Variants in PDE4D observed in about 807,000 individuals in gnomAD.
PDE4D encodes phosphodiesterase 4D.
A neutral mutation model predicts 87.4 loss-of-function variants in PDE4D; 24 were observed. The observed-to-expected ratio is 0.27, with a 90% CI of 0.20 to 0.39. PDE4D has a LOEUF of 0.39. Among genes scored for constraint, PDE4D ranks in the 10% least tolerant of loss-of-function variants. The pLI is 1.00. For synonymous variants in PDE4D, 384 were observed against 383.2 expected (o/e 1.00, Z -0.02); for missense variants, 714 against 1,041.0 (o/e 0.69, Z 4.32).
intron 2 of PDE4D, among the ~76,000 whole-genome samples, chr5:60,158,799 G>A (rs1271943524): frequency 3.3e-5 from 5 of 152,098 alleles, no homozygotes; most frequent in Non-Finnish European, 7.4e-5. Context: ...TGGATCTCCT[G>A]ACCTCGTGAT....
intron 6 of PDE4D, among the ~76,000 whole-genome samples, chr5:59,030,886 G>A (rs1339923254): frequency 6.6e-6 from 1 of 152,010 alleles, no homozygotes; most frequent in Non-Finnish European, 1.5e-5. Context: ...TGTGCAGGAT[G>A]TGCAGGTTTG....
intron 5 of PDE4D, among the ~76,000 whole-genome samples, chr5:59,164,723 T>A (rs534586209): frequency 6.6e-6 from 1 of 152,286 alleles, no homozygotes; most frequent in East Asian, 1.9e-4. Context: ...AATAATGCCT[T>A]CCTTCTGTTG....
chr5:59,801,098 G>A (rs893852104), intron 1 of PDE4D, among the ~76,000 whole-genome samples: 5 of 152,020 alleles, frequency 3.3e-5, no homozygotes, highest in African/African-American at 7.3e-5. Context: ...CCCTATACAC[G>A]CAGCAAAAGA....
intron 1 of PDE4D, among the ~76,000 whole-genome samples, chr5:59,827,237 G>A (rs1434510652): frequency 6.6e-6 from 1 of 151,952 alleles, no homozygotes; most frequent in Non-Finnish European, 1.5e-5. Flanking sequence ...GCTAGATAGT[G>A]ATCCTGTGAA....
chr5:59,059,954 C>T (rs900958034), intron 5 of PDE4D, among the ~76,000 whole-genome samples: 6 of 152,088 alleles, frequency 3.9e-5, no homozygotes, highest in African/African-American at 7.2e-5. Context: ...CATGTGACTG[C>T]CCAAAATAGA....
At chr5:60,210,048 A>G (rs1218825399) in intron 1 of PDE4D, among the ~76,000 whole-genome samples, 1 of 152,194 alleles carries the variant, frequency 6.6e-6, no homozygotes, top group African/African-American at 2.4e-5. Context: ...TTGAAAGCAC[A>G]AATTTTGAGA....
intron 3 of PDE4D, among the ~76,000 whole-genome samples, chr5:59,921,799 A>G (rs1294828273): frequency 6.6e-6 from 1 of 152,232 alleles, no homozygotes; most frequent in Non-Finnish European, 1.5e-5. Flanking sequence ...CAAGATGACC[A>G]AATAGAAGCC....
In PDE4D at chr5:59,043,951, A is replaced by G. The variant is rs551711289; in HGVS notation, c.809-4980T>C. Among the ~76,000 whole-genome samples the G allele has an allele frequency of 4.8e-3, 727 of 152,264 alleles. 4 individuals are homozygous for G. The highest frequency in any genetic ancestry group is 0.016 in the African/African-American group (679 of 41,530). On this transcript the variant is annotated intron_variant, in intron 5 of 14. Transcript: ENST00000340635. ...GTGCCACATTTTCTTAATCCAGTCT[A>G]TCATTGATGGACATTTGGGTTGGTT...
intron 1 of PDE4D, among the ~76,000 whole-genome samples, chr5:59,860,359 T>C (rs1746072644): frequency 6.6e-6 from 1 of 152,218 alleles, no homozygotes; most frequent in Admixed American, 6.5e-5. Flanking sequence ...CACTTTCTTC[T>C]TAATTGAGGA....
At chr5:59,027,959 G>C (rs1280296691) in intron 6 of PDE4D, among the ~76,000 whole-genome samples, 1 of 151,894 alleles carries the variant, frequency 6.6e-6, no homozygotes, top group African/African-American at 2.4e-5. Flanking sequence ...TTGAGAGGTA[G>C]AATGGAGAGT....
At chr5:59,305,904 A>G (rs575257383) in intron 1 of PDE4D, among the ~76,000 whole-genome samples, 1 of 152,246 alleles carries the variant, frequency 6.6e-6, no homozygotes, top group East Asian at 1.9e-4. Context: ...TGTTAAGTCC[A>G]TTTGTTCCAA....
chr5:59,518,952 C>A (rs1000690655), intron 1 of PDE4D, among the ~76,000 whole-genome samples: 5 of 152,174 alleles, frequency 3.3e-5, no homozygotes, highest in African/African-American at 1.2e-4. Context: ...CTTCGAAAGG[C>A]ACTAGGCTAC....
chr5:59,863,657 A>G (rs899822195), intron 1 of PDE4D, among the ~76,000 whole-genome samples: 3 of 152,170 alleles, frequency 2.0e-5, no homozygotes, highest in Admixed American at 6.5e-5. Flanking sequence ...TTTATGCTCT[A>G]AGTATGCATG....
At chr5:59,960,707 G>T (rs1038656253) in intron 3 of PDE4D, among the ~76,000 whole-genome samples, 1 of 152,094 alleles carries the variant, frequency 6.6e-6, no homozygotes, top group Admixed American at 6.5e-5. Flanking sequence ...AACTCAAAAA[G>T]AGGGGAGGGA....
In PDE4D at chr5:58,977,434, T is replaced by A. The variant is rs533282469; in HGVS notation, c.1553-89A>T. The stretch of plus-strand genomic sequence containing the variant: ...AAAATTCTGGATTTAGGATGTAATT[T>A]CCCCTAAACTTCTCTGCTGCCCTTA... On this transcript the variant is annotated intron_variant, in intron 11 of 14. Transcript: ENST00000340635. 2.3e-5 allele frequency: 27 copies of A among 1,177,954 alleles called. No individual in the cohort carries two copies. In the East Asian group the frequency reaches 5.8e-4, roughly 26 times the overall value. The allele number at this position is 1,177,954 out of a possible 1,614,324, so 73.0% of individuals were successfully genotyped here. A position where few individuals can be genotyped will look rare whatever the true frequency, so the allele number is the denominator to read the frequency against.
intron 1 of PDE4D, among the ~76,000 whole-genome samples, chr5:60,324,683 C>A (rs772444955): frequency 2.6e-5 from 4 of 152,132 alleles, no homozygotes; most frequent in Non-Finnish European, 4.4e-5. Context: ...ACTGTGTAGA[C>A]TGTGAAGTTA....
intron 1 of PDE4D, among the ~76,000 whole-genome samples, chr5:59,762,330 G>A (rs568181134): frequency 8.5e-5 from 11 of 129,652 alleles, no homozygotes; most frequent in Middle Eastern, 4.0e-3. Flanking sequence ...ACACATATGC[G>A]TATATGGGTA....
chr5:59,677,896 C>A (rs1308882058), intron 1 of PDE4D, among the ~76,000 whole-genome samples: 1 of 152,152 alleles, frequency 6.6e-6, no homozygotes, highest in African/African-American at 2.4e-5. Context: ...TCATATACTT[C>A]TCTGTAAGTT....
chr5:59,247,560 T>C (rs751828085), intron 1 of PDE4D, among the ~76,000 whole-genome samples: 14 of 152,142 alleles, frequency 9.2e-5, no homozygotes, highest in Non-Finnish European at 1.9e-4. Context: ...TGGTGAACTT[T>C]TTAAAAATGG....
Sources: allele counts gnomAD v4.1 joint callset (sites outside exome capture counted in the v4.1 genomes callset), GRCh38; gene constraint gnomAD v4.1.1; transcripts MANE v1.5; gene names NCBI Gene and HGNC (gene_info 2026-07-23, HGNC 2026-07-21).